Variants in DACH1 observed in about 807,000 individuals in gnomAD.
The protein encoded by DACH1 is dachshund homolog 1.
DACH1 carries 12 observed loss-of-function variants against 54.2 expected under a neutral mutation model. The ratio of observed to expected loss-of-function variants is 0.22; its 90% CI spans 0.14 to 0.36. DACH1 has a LOEUF of 0.36. Ranked by LOEUF, DACH1 falls within the 10% of genes least tolerant of loss-of-function variation. DACH1 has a pLI of 1.00. For missense variants in DACH1, 805 were observed against 929.8 expected (o/e 0.87, Z 1.75); for synonymous variants, 386 against 366.2 (o/e 1.05, Z -0.62).
At chr13:71,795,778 T>A (rs1887022430) in intron 1 of DACH1, among the ~76,000 whole-genome samples, 1 of 152,166 alleles carries the variant, frequency 6.6e-6, no homozygotes, top group Non-Finnish European at 1.5e-5. Flanking sequence ...TAACCTTGCA[T>A]CTCTAATGTG....
rs539780460 is a variant in DACH1 at position 71,758,217 on chromosome 13, C to T, written c.849-76307G>A. On this transcript the variant is annotated intron_variant, in intron 1 of 10. Transcript: ENST00000613252. ...GAAATTGTCAGGATTTTTTTAGAGACAAATAAATCCTCAGTGGGTGTCAGT... is the reference window on the plus strand; with the variant it reads ...GAAATTGTCAGGATTTTTTTAGAGATAAATAAATCCTCAGTGGGTGTCAGT... Among the ~76,000 whole-genome samples the T allele has an allele frequency of 3.9e-5, 6 of 152,094 alleles. No individual in the cohort carries two copies. The South Asian group carries it at 1.2e-3, about 32-fold the overall frequency.
intron 6 of DACH1, among the ~76,000 whole-genome samples, chr13:71,511,532 A>G (rs1259716883): frequency 1.3e-5 from 2 of 151,962 alleles, no homozygotes; most frequent in East Asian, 3.9e-4. Flanking sequence ...CCTGAGCCCA[A>G]AATTCTTACT....
intron 7 of DACH1, among the ~76,000 whole-genome samples, chr13:71,483,752 A>C (rs979047020): frequency 1.3e-5 from 2 of 152,020 alleles, no homozygotes; most frequent in African/African-American, 4.8e-5. Context: ...TGGTCCCATA[A>C]GATTATAATA....
intron 1 of DACH1, among the ~76,000 whole-genome samples, chr13:71,710,166 G>C (rs760995828): frequency 1.3e-5 from 2 of 152,216 alleles, no homozygotes; most frequent in Middle Eastern, 3.4e-3. Flanking sequence ...TGTCTGAAGA[G>C]GGATTGAAAA....
chr13:71,766,551 A>T (rs1885637930), intron 1 of DACH1, among the ~76,000 whole-genome samples: 1 of 152,100 alleles, frequency 6.6e-6, no homozygotes, highest in Non-Finnish European at 1.5e-5. Context: ...GTCTGTAGGG[A>T]ATGTTTGGGC....
At chr13:71,704,589 C>G in intron 1 of DACH1, 1 of 471,044 alleles carries the variant, frequency 2.1e-6, no homozygotes, top group Non-Finnish European at 4.3e-6. Context: ...GAGAAGCACA[C>G]TTTATGAGAA....
At chr13:71,536,731 T>C (rs1882830205) in intron 6 of DACH1, among the ~76,000 whole-genome samples, 1 of 152,106 alleles carries the variant, frequency 6.6e-6, no homozygotes, top group Admixed American at 6.6e-5. Flanking sequence ...AAGGATAGAC[T>C]TCACAAAGCA....
intron 1 of DACH1, among the ~76,000 whole-genome samples, chr13:71,735,094 CATAT>C (rs138853017): frequency 3.5e-5 from 1 of 28,202 alleles, no homozygotes. Context: ...ATGGGTTATA[CATAT>C]ATGGGATACA....
intron 1 of DACH1, among the ~76,000 whole-genome samples, chr13:71,707,483 C>T (rs1882507343): frequency 1.3e-5 from 2 of 152,112 alleles, no homozygotes; most frequent in Non-Finnish European, 2.9e-5. Context: ...TCCCTGAACA[C>T]TTGGTCATGA....
At chr13:71,831,071 G>T (rs1315389165) in intron 1 of DACH1, among the ~76,000 whole-genome samples, 1 of 151,844 alleles carries the variant, frequency 6.6e-6, no homozygotes, top group Non-Finnish European at 1.5e-5. Context: ...AGAAGCTTAA[G>T]TACAAACGAT....
At chr13:71,778,834 C>T (rs1886186096) in intron 1 of DACH1, among the ~76,000 whole-genome samples, 1 of 151,858 alleles carries the variant, frequency 6.6e-6, no homozygotes, top group Admixed American at 6.6e-5. Context: ...CTAGGAGAAA[C>T]ACTGGTCTAA....
Position 71,594,694 on chromosome 13 carries a change from C to T in DACH1, c.1127-21682G>A, listed in dbSNP as rs150693855. On this transcript the variant is annotated intron_variant, in intron 3 of 10. Transcript: ENST00000613252. ...TTGAGGACTTTTTTTCTCCTTAGGT[C>T]TTTCTGGAAACATTAATGTTTTTGT... 2.5e-3 allele frequency among the ~76,000 whole-genome samples: 375 copies of T among 152,104 alleles called. 1 individual carries two copies. The highest frequency in any genetic ancestry group is 8.3e-3 in the African/African-American group (346 of 41,522).
intron 2 of DACH1, among the ~76,000 whole-genome samples, chr13:71,663,063 T>A (rs1390725592): frequency 1.3e-5 from 2 of 151,996 alleles, no homozygotes; most frequent in African/African-American, 4.8e-5. Flanking sequence ...TATCTAATAT[T>A]CACTTCAGAT....
intron 4 of DACH1, among the ~76,000 whole-genome samples, chr13:71,565,125 T>C (rs943884531): frequency 6.6e-6 from 1 of 152,130 alleles, no homozygotes; most frequent in African/African-American, 2.4e-5. Flanking sequence ...TTTCAGCATG[T>C]CGGTCAGGCT....
intron 6 of DACH1, among the ~76,000 whole-genome samples, chr13:71,530,265 C>T (rs1418067372): frequency 1.3e-5 from 2 of 152,098 alleles, no homozygotes; most frequent in Non-Finnish European, 2.9e-5. Context: ...TGCTATATAT[C>T]AATTCAGAGG....
intron 6 of DACH1, among the ~76,000 whole-genome samples, chr13:71,532,647 G>GTA (rs576201523): frequency 2.6e-4 from 40 of 152,116 alleles, no homozygotes; most frequent in African/African-American, 7.7e-4. Context: ...CTGGTACCTA[G>GTA]TAGGCTTTCA....
At chr13:71,771,533 C>T (rs1885854058) in intron 1 of DACH1, among the ~76,000 whole-genome samples, 1 of 151,254 alleles carries the variant, frequency 6.6e-6, no homozygotes, top group African/African-American at 2.4e-5. Flanking sequence ...GTAGAACTTA[C>T]AGAACTCTAG....
rs71748292 is a variant in DACH1 at position 71,852,364 on chromosome 13, CTT to C, written c.848+13556_848+13557del. Among the ~76,000 whole-genome samples the C allele has an allele frequency of 8.9e-5, 13 of 145,332 alleles. No homozygotes were observed. The East Asian group carries it at 9.8e-4, about 11-fold the overall frequency. ...AAACATTGTTACATTTAAAGTGCTG[CTT>C]TTTTTTTTTTTTCCTAATCAGAACT... On this transcript the variant is annotated intron_variant, in intron 1 of 10. Coordinates refer to ENST00000613252, the MANE Select transcript of DACH1 (RefSeq NM_080759.6).
chr13:71,663,560 A>C (rs1879644183), intron 2 of DACH1, among the ~76,000 whole-genome samples: 1 of 151,986 alleles, frequency 6.6e-6, no homozygotes, highest in South Asian at 2.1e-4. Context: ...ACTGAAATGT[A>C]GAGAAACTCA....
Sources: allele counts gnomAD v4.1 joint callset (sites outside exome capture counted in the v4.1 genomes callset), GRCh38; gene constraint gnomAD v4.1.1; transcripts MANE v1.5; gene names NCBI Gene and HGNC (gene_info 2026-07-23, HGNC 2026-07-21).